Variants in COG5 observed in about 807,000 individuals in gnomAD.
COG5 encodes conserved oligomeric Golgi complex subunit 5.
COG5 carries 86 observed loss-of-function variants against 110.4 expected under a neutral mutation model. The ratio of observed to expected loss-of-function variants is 0.78; its 90% CI spans 0.65 to 0.93. The LOEUF (loss-of-function observed/expected upper bound fraction) is 0.93. COG5 is among the 40% of genes least tolerant of loss of function. The probability of loss-of-function intolerance (pLI) is 0.00; values close to 1 mark genes in which losing one functional copy is unlikely to be tolerated. For missense variants in COG5, 1,077 were observed against 987.0 expected (o/e 1.09, Z -1.22); for synonymous variants, 360 against 334.6 (o/e 1.08, Z -0.83).
chr7:107,238,039 A>G (rs940739390), intron 17 of COG5, among the ~76,000 whole-genome samples: 5 of 152,184 alleles, frequency 3.3e-5, no homozygotes, highest in East Asian at 1.9e-4. Context: ...CAGTAATGTT[A>G]TATGTATACA....
intron 6 of COG5, among the ~76,000 whole-genome samples, chr7:107,416,837 G>A (rs1445619039): frequency 2.6e-5 from 4 of 152,142 alleles, no homozygotes; most frequent in Admixed American, 6.5e-5. Context: ...AGAGTTTAAC[G>A]CAAAGATTAT....
intron 11 of COG5, among the ~76,000 whole-genome samples, chr7:107,308,792 T>C (rs1020582304): frequency 6.6e-6 from 1 of 151,208 alleles, no homozygotes; most frequent in South Asian, 2.1e-4. Context: ...GTATGGTGGA[T>C]TTAGACAATC....
At chr7:107,249,693 TG>T (rs1802337157) in intron 16 of COG5, among the ~76,000 whole-genome samples, 1 of 13,390 alleles carries the variant, frequency 7.5e-5, no homozygotes, top group East Asian at 2.1e-3. Context: ...TACAGGATTG[TG>T]TGTGTGTGTG....
At chr7:107,502,300 A>G (rs1431486616) in intron 6 of COG5, among the ~76,000 whole-genome samples, 1 of 152,116 alleles carries the variant, frequency 6.6e-6, no homozygotes, top group Non-Finnish European at 1.5e-5. Flanking sequence ...CACTTAGAAT[A>G]ATGGCCTCCA....
chr7:107,278,542 T>C (rs1436088823), intron 14 of COG5, among the ~76,000 whole-genome samples: 1 of 152,182 alleles, frequency 6.6e-6, no homozygotes, highest in Non-Finnish European at 1.5e-5. Context: ...GTTCCTGTGT[T>C]TGTTTGCTGA....
intron 10 of COG5, among the ~76,000 whole-genome samples, chr7:107,344,562 T>C (rs954886658): frequency 6.6e-6 from 1 of 152,230 alleles, no homozygotes; most frequent in East Asian, 1.9e-4. Context: ...TTCACTCCTG[T>C]TGTCCAGGCT....
At chr7:107,239,098 T>TA (rs1214736380) in intron 17 of COG5, among the ~76,000 whole-genome samples, 6 of 152,262 alleles carry the variant, frequency 3.9e-5, no homozygotes, top group African/African-American at 1.4e-4. Flanking sequence ...TTTCAGGTGT[T>TA]ACATTTAAGT....
In COG5 at chr7:107,243,357, C is replaced by T. The variant is rs141188273; in HGVS notation, c.1853+5039G>A. 2.6e-3 allele frequency among the ~76,000 whole-genome samples: 393 copies of T among 151,734 alleles called. 1 individual carries two copies. Among genetic ancestry groups the T allele is most frequent in the African/African-American group, 8.8e-3 (365 of 41,380 alleles). ...TGAAACCCCGTCTCTACTAAACATA[C>T]AAAAAATTAGCCGGGTGCGGTGGCG... is the stretch of plus-strand genomic sequence containing the variant. On this transcript the variant is annotated intron_variant, in intron 17 of 21. Transcript: ENST00000297135.
At position 107,298,243 on chromosome 7, in the gene COG5, T is replaced by G. The variant is rs1806936188; in HGVS notation, c.1212A>C (p.Gln404His). 1 of 1,613,378 alleles carries G rather than the reference T, an allele frequency of 6.2e-7. No individual in the cohort carries two copies. Among genetic ancestry groups the G allele is most frequent in the Admixed American group, 1.7e-5 (1 of 60,004 alleles). The stretch of plus-strand genomic sequence containing the variant: ...TAGTTCCACTTGCATTAAAATTCCC[T>G]TGGATATGCTGACTGTATTGTTGAA... Reference protein sequence around the residue: ...KRLQQYSQHIQGNFNASGTTD... With the variant: ...KRLQQYSQHIHGNFNASGTTD... The change falls in exon 12 of 22, where the codon CAA (glutamine) becomes CAC (histidine). Residue 404 changes from glutamine to histidine, a missense_variant. Physicochemically the swap from Gln to His is conservative, Grantham distance 24 (BLOSUM62 0). Transcript: ENST00000297135.
At chr7:107,503,706 A>C (rs1273660625) in intron 6 of COG5, among the ~76,000 whole-genome samples, 1 of 152,036 alleles carries the variant, frequency 6.6e-6, no homozygotes, top group African/African-American at 2.4e-5. Flanking sequence ...CCTTGTAGAG[A>C]TCTTTCACCT....
At chr7:107,521,114 C>T (rs558166483) in intron 6 of COG5, among the ~76,000 whole-genome samples, 131 of 152,186 alleles carry the variant, frequency 8.6e-4, no homozygotes, top group Non-Finnish European at 1.5e-3. Context: ...AAACTGCACT[C>T]CTTCCTTATA....
At chr7:107,289,519 A>G (rs1304727578) in intron 12 of COG5, among the ~76,000 whole-genome samples, 1 of 152,068 alleles carries the variant, frequency 6.6e-6, no homozygotes, top group East Asian at 1.9e-4. Flanking sequence ...AGCACTTGTT[A>G]CTTTTTACAA....
intron 7 of COG5, among the ~76,000 whole-genome samples, chr7:107,380,416 C>A (rs1815012890): frequency 6.6e-6 from 1 of 151,732 alleles, no homozygotes. Context: ...AGACCACTAG[C>A]CAGACTAATA....
chr7:107,211,296 TCTC>T, intron 19 of COG5, 71 bp from the exon 20 acceptor site: 1 of 1,541,330 alleles, frequency 6.5e-7, no homozygotes, highest in Admixed American at 1.7e-5. Flanking sequence ...GGAGAATCAT[TCTC>T]CTTGTAGAAT....
intron 12 of COG5, among the ~76,000 whole-genome samples, chr7:107,295,066 CATATATATATATATATATATAT>C (rs1186377118): frequency 2.2e-5 from 1 of 45,822 alleles, no homozygotes; most frequent in Non-Finnish European, 3.8e-5. Flanking sequence ...CACACACACA[CATATATATATATATATATATAT>C]ATATATATAT....
chr7:107,560,043 AGAG>A (rs1803652054), intron 1 of COG5, among the ~76,000 whole-genome samples: 1 of 152,240 alleles, frequency 6.6e-6, no homozygotes, highest in Non-Finnish European at 1.5e-5. Context: ...GCAGCTGTAT[AGAG>A]GATGATGGAA....
intron 21 of COG5, chr7:107,209,203 G>A: frequency 2.0e-6 from 2 of 985,472 alleles, no homozygotes; most frequent in Non-Finnish European, 2.4e-6. Context: ...GATCCCCTGG[G>A]AGAGTTGAGA....
chr7:107,336,893 G>A (rs534302100), intron 10 of COG5, among the ~76,000 whole-genome samples: 1 of 152,064 alleles, frequency 6.6e-6, no homozygotes, highest in Non-Finnish European at 1.5e-5. Context: ...AGTGCAGACC[G>A]CCTGGGAGCC....
chr7:107,213,214 G>A (rs6946036), intron 19 of COG5, among the ~76,000 whole-genome samples: 23,718 of 152,154 alleles, frequency 0.16, 2,306 homozygotes, highest in Non-Finnish European at 0.22. Context: ...CCTGGCTTGA[G>A]TCCCTAGAAA....
Sources: allele counts gnomAD v4.1 joint callset (sites outside exome capture counted in the v4.1 genomes callset), GRCh38; gene constraint gnomAD v4.1.1; transcripts MANE v1.5; gene names NCBI Gene and HGNC (gene_info 2026-07-23, HGNC 2026-07-21).